Variants in IPCEF1 observed in about 807,000 individuals in gnomAD.
IPCEF1 encodes the protein interaction protein for cytohesin exchange factors 1.
IPCEF1 carries 31 observed loss-of-function variants against 50.9 expected under a neutral mutation model. The observed-to-expected ratio is 0.61, with a 90% CI of 0.46 to 0.82. The LOEUF (loss-of-function observed/expected upper bound fraction) is 0.82. IPCEF1 is among the 40% of genes least tolerant of loss of function. The pLI is 0.00. For synonymous variants in IPCEF1, 181 were observed against 192.0 expected (o/e 0.94, Z 0.47); for missense variants, 458 against 514.0 (o/e 0.89, Z 1.05).
intron 3 of IPCEF1, among the ~76,000 whole-genome samples, chr6:154,248,891 A>T (rs1037208050): frequency 6.6e-6 from 1 of 152,096 alleles, no homozygotes; most frequent in Admixed American, 6.5e-5. Context: ...GAGATAAACA[A>T]ATACTTTATA....
intron 1 of IPCEF1, among the ~76,000 whole-genome samples, chr6:154,303,751 C>A: frequency 6.6e-6 from 1 of 152,124 alleles, no homozygotes; most frequent in East Asian, 1.9e-4. Flanking sequence ...GTGAGACCTT[C>A]TCTCTGCAAA....
chr6:154,223,148 T>G (rs554080607), intron 6 of IPCEF1, 22 bp downstream of exon 6: 1 of 1,589,530 alleles, frequency 6.3e-7, no homozygotes, highest in Admixed American at 1.7e-5. Context: ...CAGAGTTTTG[T>G]GGAAGATGAG....
chr6:154,178,034 C>T (rs955248894), intron 10 of IPCEF1, among the ~76,000 whole-genome samples: 1 of 149,216 alleles, frequency 6.7e-6, no homozygotes, highest in Admixed American at 6.9e-5. Context: ...CAAAATATCA[C>T]AAGGACAGAA....
intron 8 of IPCEF1, among the ~76,000 whole-genome samples, chr6:154,213,681 C>A (rs978870585): frequency 6.6e-6 from 1 of 152,196 alleles, no homozygotes; most frequent in African/African-American, 2.4e-5. Flanking sequence ...CTCTTCTCAA[C>A]ACTAAGGTGT....
chr6:154,171,197 C>G (rs781223924), intron 10 of IPCEF1, among the ~76,000 whole-genome samples: 4 of 152,134 alleles, frequency 2.6e-5, no homozygotes, highest in Non-Finnish European at 5.9e-5. Context: ...ATAACAGACT[C>G]AACTTGGGAA....
chr6:154,238,650 T>C (rs1005477057), intron 5 of IPCEF1, among the ~76,000 whole-genome samples: 13 of 152,250 alleles, frequency 8.5e-5, no homozygotes, highest in Admixed American at 7.2e-4. Flanking sequence ...CTTACTTCTA[T>C]TTTCAAATTT....
At chr6:154,160,084 T>A (rs751785710) in intron 11 of IPCEF1, 44 bp from the exon 12 acceptor site, 1 of 1,437,950 alleles carries the variant, frequency 7.0e-7, no homozygotes, top group Non-Finnish European at 9.6e-7. Flanking sequence ...GTTGAGAGTG[T>A]CTTAATTTAC....
chr6:154,269,935 G>A (rs1373530500), intron 2 of IPCEF1, among the ~76,000 whole-genome samples: 3 of 152,154 alleles, frequency 2.0e-5, no homozygotes, highest in African/African-American at 4.8e-5. Context: ...CCAAGGTTTT[G>A]ATGAAAATAT....
intron 1 of IPCEF1, among the ~76,000 whole-genome samples, chr6:154,311,811 C>T (rs377023041): frequency 2.8e-4 from 42 of 152,092 alleles, no homozygotes; most frequent in African/African-American, 9.4e-4. Context: ...GGTGAAGATG[C>T]GTAGAAAAGG....
intron 2 of IPCEF1, among the ~76,000 whole-genome samples, chr6:154,269,730 A>T (rs1266132625): frequency 1.3e-5 from 2 of 152,240 alleles, no homozygotes; most frequent in African/African-American, 4.8e-5. Flanking sequence ...CACCAAAATA[A>T]GCTAAGCTCA....
rs565773330 is a variant in IPCEF1 at position 154,195,941 on chromosome 6, G to A, written c.910+3727C>T. Among the ~76,000 whole-genome samples the A allele has an allele frequency of 4.6e-5, 7 of 151,990 alleles. No individual in the cohort carries two copies. The South Asian group carries it at 1.0e-3, about 23-fold the overall frequency. On this transcript the variant is annotated intron_variant, in intron 10 of 11. Coordinates refer to ENST00000367220, the MANE Select transcript of IPCEF1 (RefSeq NM_001130700.2). ...AGAGTAGCTGGGATTACAGGTGTGT[G>A]CCACCATACCTGGCTAATTTTTGTA...
At chr6:154,233,389 A>G (rs898435452) in intron 5 of IPCEF1, among the ~76,000 whole-genome samples, 1 of 152,166 alleles carries the variant, frequency 6.6e-6, no homozygotes, top group African/African-American at 2.4e-5. Flanking sequence ...AACTTACCAT[A>G]TTCTTCATGT....
chr6:154,179,129 T>A (rs1217943589), intron 10 of IPCEF1, among the ~76,000 whole-genome samples: 2 of 152,098 alleles, frequency 1.3e-5, no homozygotes, highest in East Asian at 3.9e-4. Context: ...GAACATCCAG[T>A]GGAAGCAGGT....
At chr6:154,196,606 G>T (rs78693198) in intron 10 of IPCEF1, among the ~76,000 whole-genome samples, 4,232 of 152,264 alleles carry the variant, frequency 0.028, 197 homozygotes, top group African/African-American at 0.096. Context: ...TCAGCAGGTA[G>T]TGTGTGTTGT....
chr6:154,161,079 C>T (rs899887115), intron 11 of IPCEF1, among the ~76,000 whole-genome samples: 1 of 152,208 alleles, frequency 6.6e-6, no homozygotes, highest in African/African-American at 2.4e-5. Context: ...ACAACACTAG[C>T]TCACACCTCC....
chr6:154,328,709 T>C (rs1170812879), intron 1 of IPCEF1, among the ~76,000 whole-genome samples: 4 of 152,238 alleles, frequency 2.6e-5, no homozygotes, highest in Admixed American at 2.6e-4. Context: ...GTCCTTTGAC[T>C]TCATTTGAGA....
At chr6:154,195,836 G>T (rs1776575000) in intron 10 of IPCEF1, among the ~76,000 whole-genome samples, 2 of 149,522 alleles carry the variant, frequency 1.3e-5, no homozygotes, top group African/African-American at 2.5e-5. Flanking sequence ...CTGTCACCCA[G>T]GCTGGGGTGC....
chr6:154,160,854 A>T (rs1798953079), intron 11 of IPCEF1, among the ~76,000 whole-genome samples: 1 of 152,204 alleles, frequency 6.6e-6, no homozygotes, highest in Non-Finnish European at 1.5e-5. Context: ...ATCACGTTTG[A>T]TCTGCTGCCA....
At chr6:154,355,246 T>C (rs1784196235) in intron 1 of IPCEF1, among the ~76,000 whole-genome samples, 1 of 152,290 alleles carries the variant, frequency 6.6e-6, no homozygotes, top group Non-Finnish European at 1.5e-5. Context: ...GGAAAGAACT[T>C]CCTATTTCCA....
Sources: gnomAD v4.1 joint callset for allele counts (sites outside exome capture counted in the v4.1 genomes callset) on GRCh38, gnomAD v4.1.1 for gene constraint, MANE v1.5 for transcripts, NCBI Gene and HGNC (gene_info 2026-07-23, HGNC 2026-07-21) for gene names.